Variants in DIO1 observed in about 807,000 individuals in gnomAD.
DIO1 encodes iodothyronine deiodinase 1.
DIO1 carries 17 observed loss-of-function variants against 25.9 expected under a neutral mutation model. The observed-to-expected ratio is 0.66, with a 90% confidence interval of 0.45 to 0.98. The LOEUF is 0.98. DIO1 is among the 50% of genes least tolerant of loss of function. DIO1 has a pLI of 0.00. For missense variants in DIO1, 270 were observed against 310.4 expected (o/e 0.87, Z 0.98); for synonymous variants, 115 against 114.0 (o/e 1.01, Z -0.05).
intron 1 of DIO1, among the ~76,000 whole-genome samples, chr1:53,901,058 G>A (rs1651337364): frequency 1.6e-5 from 2 of 128,452 alleles, no homozygotes; most frequent in Admixed American, 9.7e-5. Flanking sequence ...TTGAACTCAT[G>A]GGCTCAAGCG....
intron 3 of DIO1, among the ~76,000 whole-genome samples, chr1:53,907,171 G>A (rs575085053): frequency 1.4e-4 from 22 of 152,304 alleles, no homozygotes; most frequent in African/African-American, 4.6e-4. Flanking sequence ...AATGCTGGAC[G>A]CAGGGATGTG....
intron 1 of DIO1, among the ~76,000 whole-genome samples, chr1:53,897,725 G>A (rs1651152337): frequency 6.6e-6 from 1 of 151,866 alleles, no homozygotes. Flanking sequence ...GGTGGTGTGA[G>A]CCTGTAGTCC....
Position 53,894,443 on chromosome 1 carries a change from G to A in DIO1, c.233G>A (p.Arg78His), listed in dbSNP as rs779400511. ...TATTTCTGGTTCGTCTTGAAGGTCC[G>A]TTGGCAGCGACTAGAGGACACGACT... The part of the protein sequence containing the change: ...TQYFWFVLKV[R>H]WQRLEDTTEL... Residue 78 changes from arginine to histidine, a missense_variant, in exon 1 of 4, where the codon CGT becomes CAT. Transcript: ENST00000361921. The surrounding 1 kb of genome is among the most constrained non-coding windows in gnomAD (Gnocchi z 4.9). 28 of 1,614,086 alleles carry A rather than the reference G, an allele frequency of 1.7e-5. No homozygotes were observed. The highest frequency in any genetic ancestry group is 2.7e-5 in the African/African-American group (2 of 74,922).
intron 3 of DIO1, among the ~76,000 whole-genome samples, chr1:53,907,771 C>T (rs1394321937): frequency 1.3e-5 from 2 of 151,066 alleles, no homozygotes; most frequent in Admixed American, 6.6e-5. Flanking sequence ...ATTAGCCAGG[C>T]GTGGTGGCGC....
chr1:53,902,051 A>G lies in DIO1; in HGVS notation c.338-2615A>G, dbSNP rs59400674. 2.6e-3 allele frequency among the ~76,000 whole-genome samples: 392 copies of G among 149,250 alleles called. 11 individuals carry two copies. The highest frequency in any genetic ancestry group is 9.4e-3 in the African/African-American group (367 of 38,858). On this transcript the variant is annotated intron_variant, in intron 1 of 3. Coordinates refer to ENST00000361921, the MANE Select transcript of DIO1 (RefSeq NM_000792.7). ...GCTCTGGTCCATCCCTAACACTCCAACCCTTCTCTTGTTGCTCTCTATGCC... is the reference window on the plus strand; with the variant it reads ...GCTCTGGTCCATCCCTAACACTCCAGCCCTTCTCTTGTTGCTCTCTATGCC...
chr1:53,904,460 A>C (rs566131177), intron 1 of DIO1, among the ~76,000 whole-genome samples: 1 of 152,112 alleles, frequency 6.6e-6, no homozygotes, highest in African/African-American at 2.4e-5. Context: ...ACCTAAAAAA[A>C]CCTCTCATTT....
Position 53,906,187 on chromosome 1 carries a change from C to A in DIO1, c.574C>A (p.Pro192Thr), listed in dbSNP as rs762836102. 2.2e-5 allele frequency: 36 copies of A among 1,614,208 alleles called. 1 individual carries two copies. In the South Asian group the frequency reaches 3.8e-4, roughly 17 times the overall value. The change falls in exon 3 of 4, where the codon CCC becomes ACC. Residue 192 changes from proline to threonine, a missense_variant. Pro to Thr is a conservative substitution (Grantham distance 38, BLOSUM62 -1). Transcript: ENST00000361921. ...AGCCCATCTACTGCTGGCCAGGAGC[C>A]CCCAGTGCCCTGTGGTGGTGGACAC... ...QAAHLLLARS[P>T]QCPVVVDTMQ...
At chr1:53,903,086 G>C (rs895321913) in intron 1 of DIO1, 1 of 151,838 alleles carries the variant, frequency 6.6e-6, no homozygotes, top group Non-Finnish European at 1.5e-5. Context: ...CCCAGTGACT[G>C]CTGCCATCTC....
At chr1:53,904,566 G>T (rs1651544463) in intron 1 of DIO1, 100 bp from the exon 2 acceptor site, 1 of 1,458,062 alleles carries the variant, frequency 6.9e-7, no homozygotes, top group Non-Finnish European at 9.3e-7. Context: ...GGGGGTAGGG[G>T]GAAATAAAAA....
At chr1:53,897,449 C>G (rs1651136311) in intron 1 of DIO1, among the ~76,000 whole-genome samples, 1 of 152,026 alleles carries the variant, frequency 6.6e-6, no homozygotes, top group Non-Finnish European at 1.5e-5. Flanking sequence ...GCACTCCAGC[C>G]TGGGTGACAC....
In DIO1 at chr1:53,894,440, TCC is replaced by T; in HGVS notation, c.231_232del (p.Arg78LeufsTer9). ...CAGTATTTCTGGTTCGTCTTGAAGG[TCC>T]GTTGGCAGCGACTAGAGGACACGAC... On this transcript the variant is annotated frameshift_variant, in exon 1 of 4. Coordinates refer to ENST00000361921, the MANE Select transcript of DIO1 (RefSeq NM_000792.7). LOFTEE classifies it high-confidence loss of function. The surrounding 1 kb of genome is among the most constrained non-coding windows in gnomAD (Gnocchi z 4.9). 6.2e-7 allele frequency: 1 copy of T among 1,614,156 alleles called. No homozygotes were observed. Among genetic ancestry groups the T allele is most frequent in the African/African-American group, 1.3e-5 (1 of 75,010 alleles).
rs1299206849 is a variant in DIO1 at position 53,906,308 on chromosome 1, G to A, written c.681+14G>A. The A allele has an allele frequency of 6.2e-7, 1 of 1,601,954 alleles. No individual in the cohort carries two copies. On this transcript the variant is annotated intron_variant, in intron 3 of 3. Transcript: ENST00000361921. ...ATCCTCTACAAGGTGGTGACCTGGG[G>A]ACAGGGGGCCCAGGGAGGGCAAAGG...
Position 53,905,232 on chromosome 1 carries a change from T to C in DIO1, c.481+423T>C, listed in dbSNP as rs1651594506. Among the ~76,000 whole-genome samples, 4 of 144,348 alleles carry C rather than the reference T, an allele frequency of 2.8e-5. No homozygotes were observed. In the Admixed American group the frequency reaches 2.9e-4, roughly 10 times the overall value. The allele number at this position is 144,348 out of a possible 152,430, so 94.7% of individuals were successfully genotyped here. ...CGCCTGAGCTGGGGCTGGAATGCAATAGCACTCACATGGCTCACTGCAGCC... is the reference window on the plus strand; with the variant it reads ...CGCCTGAGCTGGGGCTGGAATGCAACAGCACTCACATGGCTCACTGCAGCC... On this transcript the variant is annotated intron_variant, in intron 2 of 3. Transcript: ENST00000361921.
At chr1:53,906,685 C>T (rs940529712) in intron 3 of DIO1, among the ~76,000 whole-genome samples, 1 of 150,846 alleles carries the variant, frequency 6.6e-6, no homozygotes, top group Non-Finnish European at 1.5e-5. Context: ...GAGACAGACT[C>T]TCACTCTGTT....
chr1:53,894,513 A>G lies in DIO1; in HGVS notation c.303A>G (p.Ser101=). Residue 101 remains serine, a synonymous_variant, in exon 1 of 4, where the codon TCA becomes TCG. Transcript: ENST00000361921. The surrounding 1 kb of genome is among the most constrained non-coding windows in gnomAD (Gnocchi z 4.9). ...LAPNCPVVRL[S]GQRCNIWEFM... ...CAAACTGCCCGGTGGTCCGCCTCTC[A>G]GGACAGAGGTGCAACATTTGGGAGT... 6.2e-7 allele frequency: 1 copy of G among 1,614,184 alleles called. No individual in the cohort carries two copies. The highest frequency in any genetic ancestry group is 2.2e-5 in the East Asian group (1 of 44,882).
At position 53,899,320 on chromosome 1, in the gene DIO1, G is replaced by T. The variant is rs139192414; in HGVS notation, c.337+4773G>T. 5.4e-3 allele frequency among the ~76,000 whole-genome samples: 830 copies of T among 152,310 alleles called. 3 individuals are homozygous for T. Among genetic ancestry groups the T allele is most frequent in the Middle Eastern group, 0.017 (5 of 294 alleles). On this transcript the variant is annotated intron_variant, in intron 1 of 3. Coordinates refer to ENST00000361921, the MANE Select transcript of DIO1 (RefSeq NM_000792.7). ...TTCTCTGCTGACAGATCCTGACATG[G>T]GGGTTAATTTACTGGTCTGGGCTGT...
At chr1:53,895,154 A>G (rs1208824581) in intron 1 of DIO1, among the ~76,000 whole-genome samples, 5 of 152,118 alleles carry the variant, frequency 3.3e-5, no homozygotes, top group African/African-American at 1.2e-4. Context: ...GCTGGGCGTG[A>G]TGGTTCACGC....
intron 3 of DIO1, among the ~76,000 whole-genome samples, chr1:53,906,934 G>A (rs1254687749): frequency 3.9e-5 from 6 of 152,208 alleles, no homozygotes; most frequent in African/African-American, 7.2e-5. Flanking sequence ...GATAACAGGC[G>A]TGAGCCACCG....
At position 53,910,347 on chromosome 1, in the gene DIO1, A is replaced by T. The variant is rs1651885755; in HGVS notation, c.*348A>T. ...GAGAGAGCAGTTGCACTCTACAGGCACACTTCTGAGGTACGGTATCTCTCT... is the reference window on the plus strand; with the variant it reads ...GAGAGAGCAGTTGCACTCTACAGGCTCACTTCTGAGGTACGGTATCTCTCT... On this transcript the variant is annotated 3_prime_UTR_variant, in exon 4 of 4. Transcript: ENST00000361921. 3.9e-6 allele frequency: 1 copy of T among 254,456 alleles called. No individual in the cohort carries two copies. Among genetic ancestry groups the T allele is most frequent in the East Asian group, 7.5e-5 (1 of 13,408 alleles). 15.8% of individuals were successfully genotyped at this position (254,456 alleles called of 1,614,324 possible).
Sources: gnomAD v4.1 joint callset for allele counts (sites outside exome capture counted in the v4.1 genomes callset) on GRCh38, gnomAD v4.1.1 for gene constraint, Gnocchi (gnomAD v3.1) non-coding constraint, MANE v1.5 for transcripts, NCBI Gene and HGNC (gene_info 2026-07-23, HGNC 2026-07-21) for gene names.